RTF2: variants seen among roughly 807,000 people sequenced by gnomAD.
RTF2 encodes the protein replication termination factor 2.
RTF2 carries 18 observed loss-of-function variants against 38.0 expected under a neutral mutation model. The ratio of observed to expected loss-of-function variants is 0.47; its 90% confidence interval spans 0.33 to 0.70. The LOEUF (loss-of-function observed/expected upper bound fraction) is 0.70. RTF2 is among the 30% of genes least tolerant of loss of function. RTF2 has a pLI of 0.02. For synonymous variants in RTF2, 126 were observed against 137.1 expected (o/e 0.92, Z 0.57); for missense variants, 311 against 379.6 (o/e 0.82, Z 1.50).
intron 2 of RTF2, among the ~76,000 whole-genome samples, chr20:56,474,202 T>A (rs531475527): frequency 6.6e-6 from 1 of 152,362 alleles, no homozygotes; most frequent in Admixed American, 6.5e-5. Flanking sequence ...AATTTCTGGC[T>A]GGACCCATTG....
intron 5 of RTF2, among the ~76,000 whole-genome samples, chr20:56,488,371 AG>A (rs1449547446): frequency 6.6e-6 from 1 of 150,628 alleles, no homozygotes; most frequent in East Asian, 1.9e-4. Flanking sequence ...AAAAAAAAAA[AG>A]TGCCAATGTA....
intron 5 of RTF2, chr20:56,495,205 T>C (rs1305753256): frequency 3.9e-6 from 6 of 1,548,222 alleles, no homozygotes. Context: ...TTTTTACCTT[T>C]ACATCCATCA....
chr20:56,508,011 G>A (rs547231267), intron 5 of RTF2, among the ~76,000 whole-genome samples: 2 of 152,296 alleles, frequency 1.3e-5, no homozygotes, highest in South Asian at 4.1e-4. Context: ...TTTTCTTCAA[G>A]GGTTGTACCA....
intron 5 of RTF2, among the ~76,000 whole-genome samples, chr20:56,506,559 T>A (rs556733367): frequency 2.0e-5 from 3 of 152,204 alleles, no homozygotes; most frequent in African/African-American, 7.2e-5. Context: ...CTGGCCTTTT[T>A]AAAAATACTT....
At chr20:56,497,433 C>T in intron 5 of RTF2, 1 of 1,543,304 alleles carries the variant, frequency 6.5e-7, no homozygotes, top group South Asian at 1.2e-5. Flanking sequence ...CGCCCCTTTC[C>T]CTTCAAATAA....
At chr20:56,478,305 A>G (rs1240619554) in intron 4 of RTF2, among the ~76,000 whole-genome samples, 1 of 152,180 alleles carries the variant, frequency 6.6e-6, no homozygotes, top group Non-Finnish European at 1.5e-5. Flanking sequence ...CCTGGGTAAC[A>G]TAGTGAGACC....
chr20:56,491,440 T>C (rs1052669455), intron 5 of RTF2: 1 of 703,548 alleles, frequency 1.4e-6, no homozygotes, highest in Non-Finnish European at 2.4e-6. Flanking sequence ...AGCATGTTTC[T>C]GAATTCATTT....
At chr20:56,495,465 C>G (rs573996943) in intron 5 of RTF2, among the ~76,000 whole-genome samples, 1 of 152,304 alleles carries the variant, frequency 6.6e-6, no homozygotes, top group East Asian at 1.9e-4. Flanking sequence ...AACATCGGAT[C>G]AAAGGCTAGT....
intron 5 of RTF2, among the ~76,000 whole-genome samples, chr20:56,501,195 T>C (rs1983907024): frequency 7.0e-6 from 1 of 142,122 alleles, no homozygotes; most frequent in Admixed American, 7.4e-5. Flanking sequence ...AAACTTTTCA[T>C]GGCCTGACTT....
intron 5 of RTF2, among the ~76,000 whole-genome samples, chr20:56,489,525 A>G (rs1982981713): frequency 6.6e-6 from 1 of 152,196 alleles, no homozygotes; most frequent in South Asian, 2.1e-4. Context: ...TCCAAATCCC[A>G]GCCCCACTTT....
At chr20:56,495,620 T>A (rs1983478391) in intron 5 of RTF2, among the ~76,000 whole-genome samples, 1 of 152,160 alleles carries the variant, frequency 6.6e-6, no homozygotes, top group African/African-American at 2.4e-5. Flanking sequence ...GAGTACTCTT[T>A]GTGATTCTCT....
At chr20:56,487,305 T>C (rs986809720) in intron 5 of RTF2, among the ~76,000 whole-genome samples, 5 of 152,212 alleles carry the variant, frequency 3.3e-5, no homozygotes, top group African/African-American at 9.6e-5. Context: ...TGGGAAGTTT[T>C]ACTGAAAGCT....
intron 1 of RTF2, chr20:56,470,928 A>G (rs1000995657): frequency 4.2e-6 from 1 of 236,752 alleles, no homozygotes; most frequent in Non-Finnish European, 9.0e-6. Context: ...TGTATTTGTA[A>G]TAAATCAGCA....
intron 5 of RTF2, chr20:56,491,393 A>G: frequency 1.6e-6 from 1 of 608,288 alleles, no homozygotes; most frequent in Non-Finnish European, 2.9e-6. Context: ...CCAAAGCTAT[A>G]AAAGTGGCCT....
At chr20:56,482,915 C>T (rs1982597260) in intron 4 of RTF2, among the ~76,000 whole-genome samples, 1 of 152,204 alleles carries the variant, frequency 6.6e-6, no homozygotes. Context: ...CACGCCTCTG[C>T]ATATAGACGT....
intron 5 of RTF2, among the ~76,000 whole-genome samples, chr20:56,510,599 T>C (rs1167194787): frequency 6.6e-6 from 1 of 152,244 alleles, no homozygotes; most frequent in Non-Finnish European, 1.5e-5. Flanking sequence ...GGGCAGAGAC[T>C]ATGTCTTAAC....
At chr20:56,501,046 C>T (rs1983896666) in intron 5 of RTF2, among the ~76,000 whole-genome samples, 1 of 152,124 alleles carries the variant, frequency 6.6e-6, no homozygotes, top group African/African-American at 2.4e-5. Flanking sequence ...AGTAATGTTT[C>T]AATACACACA....
chr20:56,472,947 A>G (rs1982048306), intron 1 of RTF2, among the ~76,000 whole-genome samples: 1 of 152,114 alleles, frequency 6.6e-6, no homozygotes, highest in African/African-American at 2.4e-5. Context: ...TGGGGGCAGC[A>G]TGGCAAAACC....
At chr20:56,503,189 A>C (rs769629542) in intron 5 of RTF2, among the ~76,000 whole-genome samples, 10 of 152,262 alleles carry the variant, frequency 6.6e-5, no homozygotes, top group Non-Finnish European at 1.3e-4. Flanking sequence ...TGTCCAAAGC[A>C]GCCTCAATGT....
Sources: allele counts gnomAD v4.1 joint callset (sites outside exome capture counted in the v4.1 genomes callset), GRCh38; gene constraint gnomAD v4.1.1; transcripts MANE v1.5; gene names NCBI Gene and HGNC (gene_info 2026-07-23, HGNC 2026-07-21).